Variants in GABRB3 observed in about 807,000 individuals in gnomAD.
The protein encoded by GABRB3 is gamma-aminobutyric acid type A receptor subunit beta3.
A neutral mutation model predicts 52.1 loss-of-function variants in GABRB3; 14 were observed. That is an observed-to-expected ratio of 0.27 (90% CI 0.18 to 0.42). GABRB3 has a LOEUF of 0.42. Among genes scored for constraint, GABRB3 ranks in the 10% least tolerant of loss-of-function variants. GABRB3 has a pLI of 1.00. For synonymous variants in GABRB3, 260 were observed against 232.3 expected (o/e 1.12, Z -1.08); for missense variants, 307 against 609.1 (o/e 0.50, Z 5.22).
intron 2 of GABRB3, 38 bp from the exon 3 acceptor site, chr15:26,772,507 C>CGGCGCGG (rs776070336): frequency 6.3e-7 from 1 of 1,598,158 alleles, no homozygotes; most frequent in African/African-American, 1.3e-5. Flanking sequence ...AGCCCAGCTC[C>CGGCGCGG]GGCGCGGGGC....
chr15:26,599,309 A>T (rs1446569419), intron 4 of GABRB3, among the ~76,000 whole-genome samples: 2 of 152,178 alleles, frequency 1.3e-5, no homozygotes, highest in Non-Finnish European at 2.9e-5. Flanking sequence ...CTCCAGCTTG[A>T]GCTGGGAGGT....
chr15:26,748,887 G>A (rs547587260), intron 3 of GABRB3, among the ~76,000 whole-genome samples: 93 of 152,170 alleles, frequency 6.1e-4, no homozygotes, highest in African/African-American at 2.1e-3. Context: ...TTAGCCAGGC[G>A]TGGTGGTGTG....
At chr15:26,591,149 T>C (rs748211314) in intron 4 of GABRB3, among the ~76,000 whole-genome samples, 8 of 152,180 alleles carry the variant, frequency 5.3e-5, no homozygotes, top group Non-Finnish European at 7.3e-5. Context: ...GAGATGCTCA[T>C]TAACAACCCA....
At chr15:26,706,665 A>T (rs1404788742) in intron 3 of GABRB3, among the ~76,000 whole-genome samples, 3 of 152,212 alleles carry the variant, frequency 2.0e-5, no homozygotes, top group African/African-American at 4.8e-5. Context: ...TGAATAGAGT[A>T]AAAAGGACCT....
chr15:26,746,753 C>T (rs977606577), intron 3 of GABRB3, among the ~76,000 whole-genome samples: 9 of 151,870 alleles, frequency 5.9e-5, no homozygotes, highest in Admixed American at 1.3e-4. Context: ...TTTGGGAGGC[C>T]GAGAGGGGCA....
chr15:26,586,718 A>G (rs993938388), intron 4 of GABRB3, among the ~76,000 whole-genome samples: 2 of 140,990 alleles, frequency 1.4e-5, no homozygotes, highest in African/African-American at 2.5e-5. Flanking sequence ...GAGAGAGAGA[A>G]AGCGAAGAAG....
rs1555400756 is a variant in GABRB3 at position 26,554,021 on chromosome 15, T to TTTTATTTATATATATATA, written c.1081-5888_1081-5887insTATATATATATAAATAAA. Reference sequence around the variant, plus strand: ...TCCCGAGTAGCTGACACCTGACTATTTATATATATATATATTTATTTATTT... The same window carrying TTTTATTTATATATATATA: ...TCCCGAGTAGCTGACACCTGACTATTTTTATTTATATATATATATATATATATATATATTTATTTATTT... On this transcript the variant is annotated intron_variant, in intron 8 of 8. Coordinates refer to ENST00000311550, the MANE Select transcript of GABRB3 (RefSeq NM_000814.6). Among the ~76,000 whole-genome samples the TTTTATTTATATATATATA allele has an allele frequency of 3.2e-3, 76 of 23,684 alleles. 4 individuals are homozygous for TTTTATTTATATATATATA. The highest frequency in any genetic ancestry group is 0.013 in the African/African-American group (70 of 5,498). The allele number at this position is 23,684 out of a possible 152,430, so 15.5% of individuals were successfully genotyped here.
chr15:26,589,487 GA>G (rs1050240050), intron 4 of GABRB3, among the ~76,000 whole-genome samples: 2 of 152,162 alleles, frequency 1.3e-5, no homozygotes, highest in Non-Finnish European at 2.9e-5. Flanking sequence ...ACACTGGAGA[GA>G]ACAGATTAAA....
chr15:26,584,256 C>T (rs1262498048), intron 4 of GABRB3, among the ~76,000 whole-genome samples: 1 of 152,132 alleles, frequency 6.6e-6, no homozygotes, highest in Non-Finnish European at 1.5e-5. Context: ...GGAGTTCTTA[C>T]CTTCAATTTT....
intron 3 of GABRB3, among the ~76,000 whole-genome samples, chr15:26,668,454 A>G (rs909849390): frequency 6.6e-6 from 1 of 152,226 alleles, no homozygotes; most frequent in Non-Finnish European, 1.5e-5. Context: ...GAACTGACTC[A>G]GTCACACCAA....
intron 7 of GABRB3, among the ~76,000 whole-genome samples, chr15:26,566,722 ACT>A (rs1567112174): frequency 3.3e-5 from 5 of 151,962 alleles, no homozygotes; most frequent in Admixed American, 2.6e-4. Context: ...ACAGAGTGAG[ACT>A]CTGTCTCAAA....
chr15:26,636,069 T>C (rs1204377050), intron 3 of GABRB3, among the ~76,000 whole-genome samples: 3 of 152,240 alleles, frequency 2.0e-5, no homozygotes, highest in African/African-American at 7.2e-5. Context: ...TCCTCTGGAA[T>C]ACTGTAATCA....
At chr15:26,722,007 A>G (rs1001161444) in intron 3 of GABRB3, among the ~76,000 whole-genome samples, 1 of 152,184 alleles carries the variant, frequency 6.6e-6, no homozygotes, top group African/African-American at 2.4e-5. Flanking sequence ...CAATATTGCT[A>G]AGAAAAAAGT....
chr15:26,554,021 T>TTTTTTATATATATATATATATATA (rs1555400756), intron 8 of GABRB3, among the ~76,000 whole-genome samples: 1 of 23,668 alleles, frequency 4.2e-5, no homozygotes, highest in African/African-American at 1.8e-4. Flanking sequence ...ACCTGACTAT[T>TTTTTTATATATATATATATATATA]TATATATATA....
intron 3 of GABRB3, among the ~76,000 whole-genome samples, chr15:26,667,817 C>G (rs1483823390): frequency 6.6e-6 from 1 of 152,164 alleles, no homozygotes; most frequent in African/African-American, 2.4e-5. Flanking sequence ...GAAACAATCC[C>G]TCCACGTGAC....
At chr15:26,583,257 A>G in intron 5 of GABRB3, 75 bp downstream of exon 5, 1 of 1,279,642 alleles carries the variant, frequency 7.8e-7, no homozygotes, top group Non-Finnish European at 1.1e-6. Flanking sequence ...ATGCCTTGAA[A>G]AAAGATGCTA....
At chr15:26,693,925 C>T (rs1229031114) in intron 3 of GABRB3, among the ~76,000 whole-genome samples, 1 of 152,052 alleles carries the variant, frequency 6.6e-6, no homozygotes, top group Non-Finnish European at 1.5e-5. Flanking sequence ...AGAAAAATCC[C>T]CTTGTTCTTC....
chr15:26,586,397 A>ACACACACACACACACACACACACACAC (rs149254517), intron 4 of GABRB3, among the ~76,000 whole-genome samples: 1 of 138,086 alleles, frequency 7.2e-6, no homozygotes, highest in African/African-American at 2.7e-5. Flanking sequence ...AACCACCCCT[A>ACACACACACACACACACACACACACAC]ACACACACAC....
At chr15:26,724,839 C>G (rs915881327) in intron 3 of GABRB3, among the ~76,000 whole-genome samples, 2 of 152,164 alleles carry the variant, frequency 1.3e-5, no homozygotes, top group Non-Finnish European at 2.9e-5. Context: ...CCTTTGCCCC[C>G]CCTCAAAGTA....
Sources: gnomAD v4.1 joint callset for allele counts (sites outside exome capture counted in the v4.1 genomes callset) on GRCh38, gnomAD v4.1.1 for gene constraint, MANE v1.5 for transcripts, NCBI Gene and HGNC (gene_info 2026-07-23, HGNC 2026-07-21) for gene names.